The following IL1RAPL2 variants were observed in gnomAD, a reference collection of about 807,000 sequenced individuals.
IL1RAPL2 encodes the protein X-linked interleukin-1 receptor accessory protein-like 2.
Under a neutral mutation model 44.1 loss-of-function variants are expected in IL1RAPL2, and 3 were observed. That is an observed-to-expected ratio of 0.07 (90% CI 0.03 to 0.18). The LOEUF is 0.18. Ranked by LOEUF, IL1RAPL2 falls within the 10% of genes least tolerant of loss-of-function variation. The pLI is 1.00. For missense variants in IL1RAPL2, 391 were observed against 496.4 expected (o/e 0.79, Z 2.02); for synonymous variants, 181 against 178.8 (o/e 1.01, Z -0.10).
chrX:105,084,208 T>C (rs2032450514), intron 2 of IL1RAPL2, among the ~76,000 whole-genome samples: 1 of 112,580 alleles, frequency 8.9e-6, no homozygotes, highest in Admixed American at 9.3e-5. Flanking sequence ...GAGTCCCCAA[T>C]GGGGCACTGC....
chrX:104,876,035 G>A (rs1026121037), intron 2 of IL1RAPL2, among the ~76,000 whole-genome samples: 6 of 110,702 alleles, frequency 5.4e-5, no homozygotes, highest in Admixed American at 9.7e-5. Context: ...AAGTTGGCTC[G>A]CAATTAGTAA....
intron 2 of IL1RAPL2, among the ~76,000 whole-genome samples, chrX:104,710,521 A>G (rs1168235328): frequency 9.0e-6 from 1 of 111,308 alleles, no homozygotes; most frequent in African/African-American, 3.3e-5. Context: ...TTGCTTAGGG[A>G]TTAGTGAAAA....
intron 2 of IL1RAPL2, among the ~76,000 whole-genome samples, chrX:105,059,632 G>A (rs956148634): frequency 1.3e-4 from 15 of 111,453 alleles, no homozygotes; most frequent in Non-Finnish European, 2.4e-4. Context: ...CCGGGTTCAA[G>A]TGATTATCCT....
At chrX:105,497,553 C>T (rs768425078) in intron 6 of IL1RAPL2, among the ~76,000 whole-genome samples, 7 of 111,428 alleles carry the variant, frequency 6.3e-5, no homozygotes, top group East Asian at 5.7e-4. Context: ...AGAAAATTGA[C>T]GAGGAGGGAA....
At chrX:105,641,289 A>T (rs2037568139) in intron 6 of IL1RAPL2, among the ~76,000 whole-genome samples, 2 of 111,187 alleles carry the variant, frequency 1.8e-5, no homozygotes, top group African/African-American at 6.6e-5. Context: ...TTATTTGTTC[A>T]TTCATTTATT....
chrX:104,853,253 A>G (rs1922272991), intron 2 of IL1RAPL2, among the ~76,000 whole-genome samples: 1 of 111,922 alleles, frequency 8.9e-6, no homozygotes, highest in Non-Finnish European at 1.9e-5. Context: ...TGAAATATCA[A>G]CGATAAGGAT....
At chrX:105,539,442 A>C in intron 6 of IL1RAPL2, among the ~76,000 whole-genome samples, 1 of 111,859 alleles carries the variant, frequency 8.9e-6, no homozygotes, top group Non-Finnish European at 1.9e-5. Flanking sequence ...CTTATTCAAT[A>C]AATGGCGCTG....
chrX:104,603,699 A>G (rs1333496068), intron 1 of IL1RAPL2, among the ~76,000 whole-genome samples: 1 of 111,814 alleles, frequency 8.9e-6, no homozygotes, highest in Non-Finnish European at 1.9e-5. Flanking sequence ...GGAAGAAAGG[A>G]TATCAGTGAT....
At chrX:105,666,515 T>C (rs767275454) in intron 6 of IL1RAPL2, among the ~76,000 whole-genome samples, 8 of 111,778 alleles carry the variant, frequency 7.2e-5, no homozygotes, top group Admixed American at 3.8e-4. Context: ...TACAATATAG[T>C]GTGTGCATCG....
rs760058803 is a variant in IL1RAPL2, at chrX:105,730,798, A to T, written c.903-9748A>T. Among the ~76,000 whole-genome samples the T allele has an allele frequency of 1.8e-3, 198 of 111,939 alleles. 2 individuals are homozygous for T. The highest frequency in any genetic ancestry group is 3.0e-3 in the Non-Finnish European group (158 of 53,009). The stretch of plus-strand genomic sequence containing the variant: ...AATGAAGAAATTAAGAAATAAATTT[A>T]AAAAGTCGAGAAACAAATGAAAATG... On this transcript the variant is annotated intron_variant, in intron 7 of 10. Coordinates refer to ENST00000372582, the MANE Select transcript of IL1RAPL2 (RefSeq NM_017416.2).
At chrX:105,759,206 G>T (rs1037860997) in intron 10 of IL1RAPL2, among the ~76,000 whole-genome samples, 4 of 112,305 alleles carry the variant, frequency 3.6e-5, no homozygotes, top group Non-Finnish European at 5.6e-5. Context: ...GGAGAAAATA[G>T]CATTCTAAAA....
intron 2 of IL1RAPL2, among the ~76,000 whole-genome samples, chrX:104,939,123 C>T (rs1455694289): frequency 1.2e-4 from 12 of 99,992 alleles, no homozygotes; most frequent in African/African-American, 4.7e-4. Flanking sequence ...GTGGTGCGAT[C>T]TTGGCTCATT....
chrX:104,725,736 T>C (rs1017864121), intron 2 of IL1RAPL2, among the ~76,000 whole-genome samples: 3 of 111,910 alleles, frequency 2.7e-5, no homozygotes, highest in African/African-American at 6.5e-5. Context: ...GGGTTGTATG[T>C]TTTTTTCTTG....
intron 2 of IL1RAPL2, among the ~76,000 whole-genome samples, chrX:105,074,432 T>A (rs2147540978): frequency 8.9e-6 from 1 of 111,819 alleles, no homozygotes; most frequent in South Asian, 3.8e-4. Context: ...CCATGCTGTT[T>A]TGGTTAGTGT....
At chrX:105,368,295 T>C (rs2035311165) in intron 5 of IL1RAPL2, among the ~76,000 whole-genome samples, 1 of 111,573 alleles carries the variant, frequency 9.0e-6, no homozygotes, top group South Asian at 3.7e-4. Flanking sequence ...TTATTTCTGC[T>C]TTCTGCCATA....
chrX:104,659,129 C>A, intron 2 of IL1RAPL2, 134 bp downstream of exon 2: 1 of 449,713 alleles, frequency 2.2e-6, no homozygotes, highest in Non-Finnish European at 3.9e-6. Context: ...GGAAAGTAGC[C>A]AAAATAAAAA....
At chrX:105,454,616 C>T (rs186601810) in intron 5 of IL1RAPL2, among the ~76,000 whole-genome samples, 2 of 111,686 alleles carry the variant, frequency 1.8e-5, no homozygotes, top group African/African-American at 6.5e-5. Flanking sequence ...ACTCAATGCC[C>T]TCTACCGCTG....
intron 2 of IL1RAPL2, among the ~76,000 whole-genome samples, chrX:105,081,645 T>G (rs1015883594): frequency 1.1e-4 from 12 of 111,918 alleles, no homozygotes; most frequent in African/African-American, 3.9e-4. Context: ...TGAGATACAT[T>G]CCATCAATAC....
intron 5 of IL1RAPL2, among the ~76,000 whole-genome samples, chrX:105,363,527 T>C (rs2035270008): frequency 9.3e-6 from 1 of 107,094 alleles, no homozygotes; most frequent in Non-Finnish European, 1.9e-5. Flanking sequence ...CTATGCTACT[T>C]TCCAAAATGG....
Sources: allele counts gnomAD v4.1 joint callset (sites outside exome capture counted in the v4.1 genomes callset), GRCh38; gene constraint gnomAD v4.1.1; transcripts MANE v1.5; gene names NCBI Gene and HGNC (gene_info 2026-07-23, HGNC 2026-07-21).